Variants in PGCKA1 observed in about 807,000 individuals in gnomAD.
The protein encoded by PGCKA1 is PDCD10 and GCKIII kinases-associated protein 1.
chr4:37,508,950 A>T, the PGCKA1 span, among the ~76,000 whole-genome samples: 484 of 150,162 alleles, frequency 3.2e-3, 2 homozygotes, highest in Non-Finnish European at 4.7e-3. Context: ...AATCCATTTA[A>T]CCCTGAGTGG....
chr4:37,465,544 T>A, the PGCKA1 span, among the ~76,000 whole-genome samples: 1 of 152,088 alleles, frequency 6.6e-6, no homozygotes, highest in African/African-American at 2.4e-5. Flanking sequence ...GAGAAATGTC[T>A]TGAGCACGAG....
the PGCKA1 span, among the ~76,000 whole-genome samples, chr4:37,582,316 A>C: frequency 2.0e-5 from 3 of 152,296 alleles, no homozygotes; most frequent in Non-Finnish European, 4.4e-5. Flanking sequence ...AATGAAGTGA[A>C]CATCAGTGGA....
At chr4:37,518,687 G>A in the PGCKA1 span, among the ~76,000 whole-genome samples, 1 of 152,122 alleles carries the variant, frequency 6.6e-6, no homozygotes, top group African/African-American at 2.4e-5. Context: ...TGTCAAATGG[G>A]TAGTTTGCAA....
chr4:37,492,428 G>A, the PGCKA1 span, among the ~76,000 whole-genome samples: 1 of 152,172 alleles, frequency 6.6e-6, no homozygotes, highest in Non-Finnish European at 1.5e-5. The surrounding 1 kb of genome is among the most constrained non-coding windows in gnomAD (Gnocchi z 4.7). Context: ...GAATGATCTG[G>A]CTGAGCCAGT....
the PGCKA1 span, among the ~76,000 whole-genome samples, chr4:37,496,891 C>G: frequency 6.6e-6 from 1 of 151,920 alleles, no homozygotes; most frequent in Non-Finnish European, 1.5e-5. Flanking sequence ...TGATTTGGCT[C>G]TTGGTTTGAT....
chr4:37,489,371 A>G, the PGCKA1 span, among the ~76,000 whole-genome samples: 2 of 152,198 alleles, frequency 1.3e-5, no homozygotes, highest in Admixed American at 1.3e-4. Context: ...GCTCTATATC[A>G]TTGTTATGTC....
the PGCKA1 span, among the ~76,000 whole-genome samples, chr4:37,565,131 A>G: frequency 6.6e-6 from 1 of 152,156 alleles, no homozygotes; most frequent in African/African-American, 2.4e-5. Flanking sequence ...GTACAGGAGG[A>G]TCTGGGAGGC....
chr4:37,486,284 G>A, the PGCKA1 span, among the ~76,000 whole-genome samples: 1 of 151,944 alleles, frequency 6.6e-6, no homozygotes. Flanking sequence ...AGACTTTGTG[G>A]GTATCAGGAG....
the PGCKA1 span, among the ~76,000 whole-genome samples, chr4:37,478,479 G>A: frequency 6.6e-6 from 1 of 152,250 alleles, no homozygotes; most frequent in African/African-American, 2.4e-5. Context: ...GCTGAAGTCC[G>A]CCAAACAGAG....
the PGCKA1 span, among the ~76,000 whole-genome samples, chr4:37,509,665 T>C: frequency 5.3e-5 from 8 of 150,992 alleles, no homozygotes; most frequent in Admixed American, 5.3e-4. Context: ...CACTCCAGCC[T>C]GGGCAACATT....
chr4:37,526,153 T>C, the PGCKA1 span, among the ~76,000 whole-genome samples: 1 of 152,238 alleles, frequency 6.6e-6, no homozygotes. Flanking sequence ...ACTATCGCAC[T>C]AGAATTCAGC....
chr4:37,472,502 A>G, the PGCKA1 span, among the ~76,000 whole-genome samples: 1 of 152,344 alleles, frequency 6.6e-6, no homozygotes, highest in East Asian at 1.9e-4. Flanking sequence ...TAAAAATAAA[A>G]TAATATAAAA....
chr4:37,476,253 C>T, the PGCKA1 span, among the ~76,000 whole-genome samples: 1 of 152,030 alleles, frequency 6.6e-6, no homozygotes, highest in Admixed American at 6.6e-5. Context: ...TTCTCATTTT[C>T]CAAATGGAAG....
the PGCKA1 span, among the ~76,000 whole-genome samples, chr4:37,508,326 G>A: frequency 0.5 from 75,408 of 151,488 alleles, 18,977 homozygotes; most frequent in African/African-American, 0.55. Context: ...CTCCTCTTTA[G>A]GACCAATAAC....
the PGCKA1 span, among the ~76,000 whole-genome samples, chr4:37,500,621 A>G: frequency 9.2e-5 from 14 of 152,330 alleles, no homozygotes; most frequent in East Asian, 2.7e-3. Flanking sequence ...AGTTCTGTAG[A>G]TATTTATCAG....
chr4:37,510,675 C>T, the PGCKA1 span, among the ~76,000 whole-genome samples: 3 of 152,116 alleles, frequency 2.0e-5, no homozygotes, highest in South Asian at 2.1e-4. Context: ...CAGCACAGCC[C>T]TGGTTCTCAC....
the PGCKA1 span, among the ~76,000 whole-genome samples, chr4:37,501,706 C>T: frequency 6.6e-6 from 1 of 152,206 alleles, no homozygotes; most frequent in Non-Finnish European, 1.5e-5. Flanking sequence ...CAATGTACTC[C>T]TGCATCTCAG....
chr4:37,558,427 C>T, the PGCKA1 span, among the ~76,000 whole-genome samples: 2 of 152,118 alleles, frequency 1.3e-5, no homozygotes, highest in Non-Finnish European at 2.9e-5. Context: ...TGGCTCTCAG[C>T]GTGTGGTCCC....
chr4:37,512,343 A>G, the PGCKA1 span, among the ~76,000 whole-genome samples: 2 of 152,186 alleles, frequency 1.3e-5, no homozygotes, highest in Non-Finnish European at 2.9e-5. Flanking sequence ...ATTAGCACAT[A>G]AGCATTAAAT....
Sources: gnomAD v4.1 joint callset for allele counts (sites outside exome capture counted in the v4.1 genomes callset) on GRCh38, gnomAD v4.1.1 for gene constraint, Gnocchi (gnomAD v3.1) non-coding constraint, MANE v1.5 for transcripts, NCBI Gene and HGNC (gene_info 2026-07-23, HGNC 2026-07-21) for gene names.